Variants in NDST3 observed in about 807,000 individuals in gnomAD.
NDST3 encodes bifunctional heparan sulfate N-deacetylase/N-sulfotransferase 3.
Under a neutral mutation model 96.1 loss-of-function variants are expected in NDST3, and 58 were observed. That is an observed-to-expected ratio of 0.60 (90% CI 0.49 to 0.75). NDST3 has a LOEUF of 0.75. Ranked by LOEUF, NDST3 falls within the 30% of genes least tolerant of loss-of-function variation. NDST3 has a pLI of 0.00. For synonymous variants in NDST3, 333 were observed against 359.7 expected (o/e 0.93, Z 0.84); for missense variants, 788 against 1,034.2 (o/e 0.76, Z 3.27).
At chr4:118,152,146 G>A (rs1260961127) in intron 6 of NDST3, among the ~76,000 whole-genome samples, 1 of 152,114 alleles carries the variant, frequency 6.6e-6, no homozygotes, top group Non-Finnish European at 1.5e-5. Context: ...CCGAGTCCTC[G>A]TAAGAAAATT....
intron 2 of NDST3, among the ~76,000 whole-genome samples, chr4:118,070,523 C>T (rs1054209949): frequency 1.3e-5 from 2 of 152,030 alleles, no homozygotes; most frequent in African/African-American, 2.4e-5. Flanking sequence ...TTACTCCCTA[C>T]AGTCTATTAT....
At chr4:118,245,340 T>G (rs1321079616) in intron 12 of NDST3, among the ~76,000 whole-genome samples, 1 of 152,174 alleles carries the variant, frequency 6.6e-6, no homozygotes, top group African/African-American at 2.4e-5. Flanking sequence ...CCAGACTATG[T>G]TATATGAATT....
chr4:118,045,294 A>G (rs1724698793), intron 1 of NDST3, among the ~76,000 whole-genome samples: 3 of 151,576 alleles, frequency 2.0e-5, no homozygotes, highest in African/African-American at 7.3e-5. Flanking sequence ...CATTCCACAG[A>G]CTCCCCCACT....
At chr4:118,170,378 T>C (rs1468641771) in intron 6 of NDST3, among the ~76,000 whole-genome samples, 1 of 152,174 alleles carries the variant, frequency 6.6e-6, no homozygotes, top group Non-Finnish European at 1.5e-5. Context: ...TGTCTTGATA[T>C]CTGCAACTTG....
At chr4:118,070,812 G>C (rs1444017075) in intron 2 of NDST3, among the ~76,000 whole-genome samples, 1 of 151,684 alleles carries the variant, frequency 6.6e-6, no homozygotes, top group Non-Finnish European at 1.5e-5. Flanking sequence ...CCCACCTCAT[G>C]ACAGGCCCCA....
rs752797425 is a variant in NDST3 at position 118,257,765 on chromosome 4, C to A, written c.*2053C>A. ...TTGGAAAAATCACCAATTTTTAAGA[C>A]TCTTGACTCTAAAAGCAAAATCAAA... is the stretch of plus-strand genomic sequence containing the variant. On this transcript the variant is annotated 3_prime_UTR_variant, in exon 14 of 14. Coordinates refer to ENST00000296499, the MANE Select transcript of NDST3 (RefSeq NM_004784.3). 3 of 152,064 alleles carry A rather than the reference C, an allele frequency of 2.0e-5. No individual in the cohort carries two copies. The highest frequency in any genetic ancestry group is 6.6e-5 in the Admixed American group (1 of 15,262). 9.4% of individuals were successfully genotyped at this position (152,064 alleles called of 1,614,324 possible).
intron 6 of NDST3, among the ~76,000 whole-genome samples, chr4:118,149,568 G>A (rs1734229368): frequency 6.7e-6 from 1 of 148,536 alleles, no homozygotes; most frequent in Non-Finnish European, 1.5e-5. Context: ...TCTGTTGTTG[G>A]TGTATAAGAA....
chr4:118,101,203 CT>C (rs2125845350), intron 2 of NDST3, among the ~76,000 whole-genome samples: 1 of 151,148 alleles, frequency 6.6e-6, no homozygotes, highest in South Asian at 2.1e-4. Context: ...CAATTTCTGC[CT>C]CTTCATCTAT....
intron 6 of NDST3, chr4:118,193,424 T>G: frequency 6.0e-5 from 41 of 679,472 alleles, no homozygotes; most frequent in Non-Finnish European, 9.3e-5. Flanking sequence ...TGTCTCCACT[T>G]GAGACTGGCT....
At chr4:118,049,746 C>T (rs1724970385) in intron 1 of NDST3, among the ~76,000 whole-genome samples, 1 of 150,290 alleles carries the variant, frequency 6.7e-6, no homozygotes, top group Non-Finnish European at 1.5e-5. Context: ...AAAAAAAAAC[C>T]CTACCCACCA....
intron 6 of NDST3, among the ~76,000 whole-genome samples, chr4:118,211,538 T>G (rs751039613): frequency 3.9e-5 from 6 of 152,312 alleles, no homozygotes; most frequent in Admixed American, 1.3e-4. Flanking sequence ...ATACTCTTCT[T>G]CAAACTTTTG....
chr4:118,132,399 C>A (rs1013941177), intron 4 of NDST3, among the ~76,000 whole-genome samples: 4 of 152,108 alleles, frequency 2.6e-5, no homozygotes, highest in African/African-American at 9.7e-5. Context: ...TTCACTTAAG[C>A]CCAAGGGTTC....
intron 2 of NDST3, among the ~76,000 whole-genome samples, chr4:118,095,842 G>C (rs1290747323): frequency 6.6e-6 from 1 of 151,790 alleles, no homozygotes; most frequent in East Asian, 1.9e-4. Flanking sequence ...TATATGTCTG[G>C]CTTCTTTCAC....
At position 118,232,704 on chromosome 4, in the gene NDST3, G is replaced by A. The variant is rs116709422; in HGVS notation, c.1820-308G>A. Among the ~76,000 whole-genome samples, 524 of 151,786 alleles carry A rather than the reference G, an allele frequency of 3.5e-3. 2 individuals are homozygous for A. Among genetic ancestry groups the A allele is most frequent in the African/African-American group, 0.012 (493 of 41,416 alleles). Reference sequence around the variant, plus strand: ...AAAAGGAAAGAAACAAAGAAAGAAAGAAAAGATAAAAAGAAAACTGAGACA... The same window carrying A: ...AAAAGGAAAGAAACAAAGAAAGAAAAAAAAGATAAAAAGAAAACTGAGACA... On this transcript the variant is annotated intron_variant, in intron 8 of 13. Transcript: ENST00000296499.
At chr4:118,073,172 T>C (rs1048454476) in intron 2 of NDST3, among the ~76,000 whole-genome samples, 1 of 152,150 alleles carries the variant, frequency 6.6e-6, no homozygotes, top group South Asian at 2.1e-4. Context: ...ATCCTGGATA[T>C]TGGCCTTAAG....
intron 12 of NDST3, among the ~76,000 whole-genome samples, chr4:118,247,970 A>G (rs1741429205): frequency 6.6e-6 from 1 of 152,222 alleles, no homozygotes. Flanking sequence ...AAGGCATTTC[A>G]GACATACTTT....
In NDST3 at chr4:118,041,522, T is replaced by C. The variant is rs531056008; in HGVS notation, c.-156+6930T>C. 1.4e-3 allele frequency among the ~76,000 whole-genome samples: 218 copies of C among 152,322 alleles called. 2 individuals are homozygous for C. The highest frequency in any genetic ancestry group is 4.9e-3 in the African/African-American group (204 of 41,572). On this transcript the variant is annotated intron_variant, in intron 1 of 13. Transcript: ENST00000296499. ...ATCTGTTGATTTTCAAAATTTAAAA[T>C]ACAGTTTCCTGATCAGTCAGCATAG...
intron 6 of NDST3, among the ~76,000 whole-genome samples, chr4:118,212,439 C>A (rs1328873690): frequency 6.6e-6 from 1 of 152,096 alleles, no homozygotes; most frequent in East Asian, 1.9e-4. Flanking sequence ...ACTGGTGAGG[C>A]TAAGATGGAT....
chr4:118,127,608 C>T (rs867078979), intron 4 of NDST3, among the ~76,000 whole-genome samples: 3 of 151,796 alleles, frequency 2.0e-5, no homozygotes, highest in African/African-American at 4.8e-5. Flanking sequence ...CTTAGTATAA[C>T]GTGAAATCAG....
Sources: allele counts gnomAD v4.1 joint callset (sites outside exome capture counted in the v4.1 genomes callset), GRCh38; gene constraint gnomAD v4.1.1; transcripts MANE v1.5; gene names NCBI Gene and HGNC (gene_info 2026-07-23, HGNC 2026-07-21).